Variants in ELAVL2 observed in about 807,000 individuals in gnomAD.
ELAVL2 encodes ELAV-like protein 2.
A neutral mutation model predicts 34.6 loss-of-function variants in ELAVL2; 4 were observed. That is an observed-to-expected ratio of 0.12 (90% confidence interval 0.06 to 0.26). ELAVL2 has a LOEUF of 0.26. Ranked by LOEUF, ELAVL2 falls within the 10% of genes least tolerant of loss-of-function variation. The pLI, the probability that ELAVL2 is intolerant of heterozygous loss-of-function variation, is 1.00. For missense variants in ELAVL2, 432 were observed against 442.8 expected, an observed-to-expected ratio of 0.98 and a Z score of 0.22; for synonymous variants, 193 against 154.8, an observed-to-expected ratio of 1.25 and a Z score of -1.83.
intron 1 of ELAVL2, among the ~76,000 whole-genome samples, chr9:23,809,541 A>G (rs1338474380): frequency 6.6e-6 from 1 of 152,206 alleles, no homozygotes; most frequent in African/African-American, 2.4e-5. Context: ...GTAGAGATTG[A>G]AATTCTAGTA....
chr9:23,694,049 T>A lies in ELAVL2; in HGVS notation c.714-563A>T, dbSNP rs1383558713. ...GGTATAATTACAGGTAGAAAAAACCTTATGGACAACCCAAGCTAACCCTCC... is the reference window on the plus strand; with the variant it reads ...GGTATAATTACAGGTAGAAAAAACCATATGGACAACCCAAGCTAACCCTCC... On this transcript the variant is annotated intron_variant, in intron 5 of 6. Coordinates refer to ENST00000397312, the MANE Select transcript of ELAVL2 (RefSeq NM_004432.5). 2.6e-5 allele frequency among the ~76,000 whole-genome samples: 4 copies of A among 152,128 alleles called. No individual in the cohort carries two copies. The South Asian group carries it at 6.2e-4, about 24-fold the overall frequency.
intron 3 of ELAVL2, among the ~76,000 whole-genome samples, chr9:23,706,288 G>A (rs2039303654): frequency 6.6e-6 from 1 of 152,184 alleles, no homozygotes; most frequent in African/African-American, 2.4e-5. Context: ...AACTCTGTGA[G>A]GGAAGAAACC....
chr9:23,732,077 A>G lies in ELAVL2; in HGVS notation c.230-952T>C, dbSNP rs75490218. Among the ~76,000 whole-genome samples, 321 of 152,360 alleles carry G rather than the reference A, an allele frequency of 2.1e-3. 2 individuals are homozygous for G. The highest frequency in any genetic ancestry group is 0.014 in the Middle Eastern group (4 of 294). ...ACATTATACAGGTGACAAAAATGGC[A>G]TAAGAAAAGTTTAGTCTACAAAAGT... On this transcript the variant is annotated intron_variant, in intron 2 of 6. Coordinates refer to ENST00000397312, the MANE Select transcript of ELAVL2 (RefSeq NM_004432.5).
chr9:23,765,530 A>T (rs1260299282), intron 1 of ELAVL2, among the ~76,000 whole-genome samples: 1 of 152,246 alleles, frequency 6.6e-6, no homozygotes, highest in African/African-American at 2.4e-5. Context: ...GCATAAAAGC[A>T]CTCTTTCCCC....
At chr9:23,693,352 CAA>C (rs2033887111) in intron 6 of ELAVL2, 94 bp downstream of exon 6, 1 of 1,484,706 alleles carries the variant, frequency 6.7e-7, no homozygotes, top group Admixed American at 1.9e-5. Flanking sequence ...TAAAACCCAA[CAA>C]AAACTTATGA....
At chr9:23,703,766 A>G (rs2038314308) in intron 4 of ELAVL2, among the ~76,000 whole-genome samples, 1 of 152,302 alleles carries the variant, frequency 6.6e-6, no homozygotes, top group East Asian at 1.9e-4. Flanking sequence ...AGAGAAACAA[A>G]CAGTGAGGAG....
chr9:23,786,781 C>CAAAAAAAAAAAAAAAAAAAAAAAAAA (rs57292061), intron 1 of ELAVL2, among the ~76,000 whole-genome samples: 2 of 108,126 alleles, frequency 1.8e-5, no homozygotes, highest in Admixed American at 9.4e-5. Flanking sequence ...ATTTTAGTGG[C>CAAAAAAAAAAAAAAAAAAAAAAAAAA]AAAAAAAAAA....
At chr9:23,727,027 G>A (rs1008014245) in intron 3 of ELAVL2, among the ~76,000 whole-genome samples, 2 of 152,008 alleles carry the variant, frequency 1.3e-5, no homozygotes. Context: ...CCCCATGCCT[G>A]AACTGTACAC....
At chr9:23,730,535 A>G (rs1231650230) in intron 3 of ELAVL2, among the ~76,000 whole-genome samples, 3 of 152,154 alleles carry the variant, frequency 2.0e-5, no homozygotes, top group Non-Finnish European at 4.4e-5. Context: ...ACATCTTATC[A>G]ATCTCAAGTT....
intron 5 of ELAVL2, among the ~76,000 whole-genome samples, chr9:23,699,184 C>T (rs1262854693): frequency 6.6e-6 from 1 of 152,090 alleles, no homozygotes; most frequent in African/African-American, 2.4e-5. Context: ...TCCTGTAAAG[C>T]TTTACTCAAC....
chr9:23,740,189 A>G (rs1177842435), intron 2 of ELAVL2, among the ~76,000 whole-genome samples: 1 of 152,184 alleles, frequency 6.6e-6, no homozygotes, highest in South Asian at 2.1e-4. Context: ...ACTGCCCCAT[A>G]AATGCTATGT....
intron 1 of ELAVL2, among the ~76,000 whole-genome samples, chr9:23,811,997 T>C (rs902438301): frequency 2.6e-5 from 4 of 152,122 alleles, no homozygotes; most frequent in African/African-American, 9.7e-5. Flanking sequence ...CACAGTCCTG[T>C]CCCTAAAGCA....
the ELAVL2 span, among the ~76,000 whole-genome samples, chr9:23,841,196 A>T: frequency 2.1e-3 from 315 of 152,244 alleles, 4 homozygotes; most frequent in East Asian, 0.022. Context: ...GGAACAAAGG[A>T]CAGCCAGGTC....
intron 1 of ELAVL2, among the ~76,000 whole-genome samples, chr9:23,771,949 C>G (rs995173970): frequency 1.3e-5 from 2 of 152,148 alleles, no homozygotes; most frequent in African/African-American, 4.8e-5. Context: ...TTCTTTCATT[C>G]CAACCTAAGT....
At chr9:23,700,585 T>C (rs1235297184) in intron 5 of ELAVL2, among the ~76,000 whole-genome samples, 3 of 152,200 alleles carry the variant, frequency 2.0e-5, no homozygotes, top group African/African-American at 7.2e-5. Context: ...CCTGTTGCTG[T>C]ATGGGCTATA....
intron 1 of ELAVL2, among the ~76,000 whole-genome samples, chr9:23,788,569 T>C (rs2059972669): frequency 6.6e-6 from 1 of 152,144 alleles, no homozygotes; most frequent in Admixed American, 6.5e-5. Flanking sequence ...GTAATAAAAG[T>C]TATGTATATG....
chr9:23,717,412 A>G (rs562604332), intron 3 of ELAVL2, among the ~76,000 whole-genome samples: 1 of 152,292 alleles, frequency 6.6e-6, no homozygotes, highest in South Asian at 2.1e-4. Flanking sequence ...CTAAAGGGGG[A>G]TAAATGTAAA....
chr9:23,727,800 T>C (rs1030882404), intron 3 of ELAVL2, among the ~76,000 whole-genome samples: 3 of 152,012 alleles, frequency 2.0e-5, no homozygotes, highest in Non-Finnish European at 4.4e-5. Flanking sequence ...CTGTCATTTA[T>C]TCAACACACC....
At position 23,825,990 on chromosome 9, in the gene ELAVL2, T is replaced by C. The variant is rs909921889; in HGVS notation, c.-200A>G. The stretch of plus-strand genomic sequence containing the variant: ...CCCCAAAGTCCAATGCTAAAAGAAA[T>C]GGCGAAAAAAAATATGAAAGGGGAG... On this transcript the variant is annotated 5_prime_UTR_variant, in exon 1 of 7. Coordinates refer to ENST00000397312, the MANE Select transcript of ELAVL2 (RefSeq NM_004432.5). The C allele has an allele frequency of 2.0e-5, 3 of 150,428 alleles. No homozygotes were observed. The highest frequency in any genetic ancestry group is 7.4e-5 in the African/African-American group (3 of 40,768). The allele number at this position is 150,428 out of a possible 1,614,324, so 9.3% of individuals were successfully genotyped here. A position where few individuals can be genotyped will look rare whatever the true frequency, so the allele number is the denominator to read the frequency against.
Sources: allele counts gnomAD v4.1 joint callset (sites outside exome capture counted in the v4.1 genomes callset), GRCh38; gene constraint gnomAD v4.1.1; transcripts MANE v1.5; gene names NCBI Gene and HGNC (gene_info 2026-07-23, HGNC 2026-07-21).